Variants in ABCC8 observed in about 807,000 individuals in gnomAD.
ABCC8 encodes ATP-binding cassette sub-family C member 8.
Under a neutral mutation model 188.0 loss-of-function variants are expected in ABCC8, and 137 were observed. The ratio of observed to expected loss-of-function variants is 0.73; its 90% CI spans 0.63 to 0.84. ABCC8 has a LOEUF of 0.84. ABCC8 is among the 40% of genes least tolerant of loss of function. ABCC8 has a pLI of 0.00. For synonymous variants in ABCC8, 797 were observed against 846.5 expected (o/e 0.94, Z 1.01); for missense variants, 1,750 against 2,072.7 (o/e 0.84, Z 3.02).
intron 7 of ABCC8, among the ~76,000 whole-genome samples, chr11:17,450,258 TTC>T (rs111417397): frequency 0.37 from 20,449 of 55,896 alleles, 3,532 homozygotes; most frequent in African/African-American, 0.49. Context: ...CTTTCTTTCT[TTC>T]TCTTTCTTTC....
chr11:17,392,615 C>T (rs935438834), downstream of ABCC8: 5 of 360,772 alleles, frequency 1.4e-5, no homozygotes, highest in Non-Finnish European at 2.7e-5. Context: ...CCTCTGCAAG[C>T]CAAGGAGAGA....
In ABCC8 at chr11:17,397,560, C is replaced by T. The variant is rs1591716287; in HGVS notation, c.3867+124G>A. 4.1e-6 allele frequency: 6 copies of T among 1,448,126 alleles called. No individual in the cohort carries two copies. The East Asian group carries it at 7.4e-5, about 18-fold the overall frequency. 89.7% of individuals were successfully genotyped at this position (1,448,126 alleles called of 1,614,324 possible). Reference sequence around the variant, plus strand: ...GTCAGCCTTCCTGCCCGCACTGTCCCTCTGGCATCAGATGCAAATGAAATT... The same window carrying T: ...GTCAGCCTTCCTGCCCGCACTGTCCTTCTGGCATCAGATGCAAATGAAATT... On this transcript the variant is annotated intron_variant, in intron 31 of 38. Coordinates refer to ENST00000389817, the MANE Select transcript of ABCC8 (RefSeq NM_000352.6).
rs75303211 is a variant in ABCC8 at position 17,433,330 on chromosome 11, G to T, written c.1631-1086C>A. On this transcript the variant is annotated intron_variant, in intron 10 of 38. Transcript: ENST00000389817. ...CCAAATTAAAGCAGAGGGACCAGGA[G>T]TCAGGAGCCAGAAGCCAGAGGCCAG... 5.3e-4 allele frequency among the ~76,000 whole-genome samples: 81 copies of T among 152,358 alleles called. 1 individual carries two copies. Among genetic ancestry groups the T allele is most frequent in the Non-Finnish European group, 9.3e-4 (63 of 68,042 alleles).
intron 29 of ABCC8, among the ~76,000 whole-genome samples, chr11:17,401,821 C>T (rs963973073): frequency 2.6e-5 from 4 of 151,338 alleles, no homozygotes; most frequent in Non-Finnish European, 4.4e-5. Flanking sequence ...ACCCCAACAT[C>T]ACCACTCAGG....
intron 7 of ABCC8, among the ~76,000 whole-genome samples, chr11:17,450,324 T>TTCTTTC (rs1247575910): frequency 4.6e-4 from 35 of 75,710 alleles, no homozygotes; most frequent in African/African-American, 1.4e-3. Flanking sequence ...CTTTCTTTCT[T>TTCTTTC]TCTCTCTCTC....
At chr11:17,440,877 C>G (rs368369752) in intron 10 of ABCC8, among the ~76,000 whole-genome samples, 15 of 152,308 alleles carry the variant, frequency 9.8e-5, no homozygotes, top group East Asian at 5.8e-4. Context: ...TCCAAACTGT[C>G]TTGGGGAGTG....
At chr11:17,422,750 T>C (rs575944434) in intron 16 of ABCC8, among the ~76,000 whole-genome samples, 7 of 152,312 alleles carry the variant, frequency 4.6e-5, no homozygotes, top group African/African-American at 1.4e-4. Flanking sequence ...GGGTTAAATC[T>C]TACTTCTCAG....
At position 17,396,034 on chromosome 11, in the gene ABCC8, A is replaced by G. The variant is rs565258424; in HGVS notation, c.4120-104T>C. 129 of 1,534,198 alleles carry G rather than the reference A, an allele frequency of 8.4e-5. 1 individual carries two copies. The East Asian group carries it at 3.0e-3, about 36-fold the overall frequency. ...GTGCAGGTGTGGGAGGTCACAGGGT[A>G]TCTTTTTGGCCTGGTTTTCTGACTA... On this transcript the variant is annotated intron_variant, in intron 33 of 38. Transcript: ENST00000389817.
At chr11:17,457,205 C>T (rs1457801802) in intron 6 of ABCC8, among the ~76,000 whole-genome samples, 6 of 152,276 alleles carry the variant, frequency 3.9e-5, no homozygotes, top group Admixed American at 3.9e-4. Flanking sequence ...TGCATATACA[C>T]TCATTAAGTC....
At chr11:17,457,276 A>G (rs1957030169) in intron 6 of ABCC8, among the ~76,000 whole-genome samples, 1 of 151,990 alleles carries the variant, frequency 6.6e-6, no homozygotes, top group Non-Finnish European at 1.5e-5. Flanking sequence ...ACACACATGC[A>G]CACACACACG....
At chr11:17,428,185 T>C in intron 14 of ABCC8, 104 bp downstream of exon 14, 1 of 1,567,920 alleles carries the variant, frequency 6.4e-7, no homozygotes, top group Non-Finnish European at 8.7e-7. Context: ...GCAGGCAGGG[T>C]GACCTCTGCA....
intron 22 of ABCC8, 72 bp downstream of exon 22, chr11:17,410,444 G>T: frequency 6.5e-7 from 1 of 1,529,924 alleles, no homozygotes; most frequent in Non-Finnish European, 9.0e-7. Flanking sequence ...ACAACGGATT[G>T]GTTCCTGCCA....
chr11:17,461,855 G>C (rs375798510), intron 4 of ABCC8, 30 bp from the exon 5 acceptor site: 1 of 1,612,704 alleles, frequency 6.2e-7, no homozygotes, highest in South Asian at 1.1e-5. Flanking sequence ...TGGGGGATGG[G>C]TAAGTCCAAC....
Position 17,448,503 on chromosome 11 carries a change from G to A in ABCC8, c.1332+13C>T, listed in dbSNP as rs766849152. On this transcript the variant is annotated intron_variant, in intron 8 of 38. Transcript: ENST00000389817. Reference sequence around the variant, plus strand: ...CTGCTGCCCCCCTCCCTTCCCCTCAGCCCATCTAGTACCTGTACTGGCATA... The same window carrying A: ...CTGCTGCCCCCCTCCCTTCCCCTCAACCCATCTAGTACCTGTACTGGCATA... 2 of 1,612,612 alleles carry A rather than the reference G, an allele frequency of 1.2e-6. No individual in the cohort carries two copies. Among genetic ancestry groups the A allele is most frequent in the Non-Finnish European group, 1.7e-6 (2 of 1,178,764 alleles).
At chr11:17,403,513 T>C (rs977981727) in intron 28 of ABCC8, among the ~76,000 whole-genome samples, 2 of 152,182 alleles carry the variant, frequency 1.3e-5, no homozygotes, top group Admixed American at 6.5e-5. Flanking sequence ...CCATTCTGGA[T>C]CATCCAAGCA....
intron 5 of ABCC8, chr11:17,460,992 C>G: frequency 2.3e-6 from 1 of 437,064 alleles, no homozygotes; most frequent in East Asian, 4.9e-5. Flanking sequence ...CTCATTACCA[C>G]CTGCCACCGT....
intron 8 of ABCC8, among the ~76,000 whole-genome samples, chr11:17,447,838 T>C (rs1956597767): frequency 6.6e-6 from 1 of 152,244 alleles, no homozygotes; most frequent in Admixed American, 6.5e-5. Context: ...CCAAATCTTA[T>C]ACACGCTTAT....
At chr11:17,460,713 A>G (rs779161134) in intron 5 of ABCC8, 37 bp from the exon 6 acceptor site, 1 of 1,601,736 alleles carries the variant, frequency 6.2e-7, no homozygotes, top group East Asian at 2.2e-5. Flanking sequence ...AGAGTGCCTG[A>G]GGGCTAATTC....
At chr11:17,428,759 G>A (rs1955714280) in intron 12 of ABCC8, 89 bp from the exon 13 acceptor site, 3 of 1,574,360 alleles carry the variant, frequency 1.9e-6, no homozygotes, top group Non-Finnish European at 1.7e-6. Context: ...CTCTGAGCAG[G>A]ATCTCAGGCC....
Sources: allele counts gnomAD v4.1 joint callset (sites outside exome capture counted in the v4.1 genomes callset), GRCh38; gene constraint gnomAD v4.1.1; transcripts MANE v1.5; gene names NCBI Gene and HGNC (gene_info 2026-07-23, HGNC 2026-07-21).